Variants in AP3B1 observed in about 807,000 individuals in gnomAD.
AP3B1 encodes adaptor related protein complex 3 subunit beta 1, also known as AP-3 complex subunit beta-1.
A neutral mutation model predicts 132.5 loss-of-function variants in AP3B1; 61 were observed. The observed-to-expected ratio is 0.46, with a 90% CI of 0.37 to 0.57. The LOEUF (loss-of-function observed/expected upper bound fraction) is 0.57. Ranked by LOEUF, AP3B1 falls within the 20% of genes least tolerant of loss-of-function variation. The probability of loss-of-function intolerance (pLI) is 0.00; values close to 1 mark genes in which losing one functional copy is unlikely to be tolerated. For synonymous variants in AP3B1, 388 were observed against 438.3 expected, an observed-to-expected ratio of 0.89 and a Z score of 1.43; for missense variants, 1,120 against 1,289.4, an observed-to-expected ratio of 0.87 and a Z score of 2.01.
At chr5:78,136,562 C>A (rs1462146361) in intron 15 of AP3B1, among the ~76,000 whole-genome samples, 1 of 152,164 alleles carries the variant, frequency 6.6e-6, no homozygotes, top group Non-Finnish European at 1.5e-5. Flanking sequence ...TTAGGAGGCA[C>A]AACTTTCCAT....
At chr5:78,148,938 G>A (rs760607540) in intron 14 of AP3B1, among the ~76,000 whole-genome samples, 3 of 152,114 alleles carry the variant, frequency 2.0e-5, no homozygotes, top group African/African-American at 4.8e-5. Flanking sequence ...CTAGAGACAC[G>A]ACTGAATTTT....
intron 11 of AP3B1, among the ~76,000 whole-genome samples, chr5:78,170,045 C>T (rs961965096): frequency 2.0e-4 from 30 of 152,054 alleles, no homozygotes; most frequent in African/African-American, 6.8e-4. Context: ...CTGAGAATGA[C>T]GGTTGCCAGC....
chr5:78,065,151 G>A (rs558810591), intron 22 of AP3B1, among the ~76,000 whole-genome samples: 24 of 152,202 alleles, frequency 1.6e-4, no homozygotes, highest in African/African-American at 5.1e-4. Flanking sequence ...GTACTATCCC[G>A]CCCAGGAAAC....
chr5:78,089,599 T>C (rs1244588500), intron 21 of AP3B1, 100 bp from the exon 22 acceptor site: 9 of 791,052 alleles, frequency 1.1e-5, no homozygotes, highest in Non-Finnish European at 2.0e-5. Context: ...TTAAATTACT[T>C]TGATTAATAA....
At chr5:78,202,552 AGTGTGTGTGTGT>A (rs36209977) in intron 7 of AP3B1, among the ~76,000 whole-genome samples, 2,724 of 146,070 alleles carry the variant, frequency 0.019, 38 homozygotes, top group Non-Finnish European at 0.022. Flanking sequence ...CCATATATTC[AGTGTGTGTGTGT>A]GTGTGTGTGT....
intron 14 of AP3B1, among the ~76,000 whole-genome samples, chr5:78,147,715 T>C (rs1477586763): frequency 6.6e-6 from 1 of 152,204 alleles, no homozygotes; most frequent in Non-Finnish European, 1.5e-5. Flanking sequence ...TGTACTTATT[T>C]GGCTTATAGT....
intron 7 of AP3B1, among the ~76,000 whole-genome samples, chr5:78,182,592 A>G (rs1744417257): frequency 6.6e-6 from 1 of 152,220 alleles, no homozygotes; most frequent in South Asian, 2.1e-4. Context: ...AACTCGGTGC[A>G]GAAGCTGGCA....
intron 14 of AP3B1, among the ~76,000 whole-genome samples, chr5:78,149,004 GCTTAACCTCTCATTT>G (rs1753532769): frequency 6.6e-6 from 1 of 152,118 alleles, no homozygotes; most frequent in Admixed American, 6.5e-5. Flanking sequence ...GAGAAAAAAA[GCTTAACCTCTCATTT>G]CCCATCAAAG....
chr5:78,003,379 A>G (rs1746262666), intron 26 of AP3B1: 3 of 289,550 alleles, frequency 1.0e-5, no homozygotes, highest in South Asian at 1.3e-4. Flanking sequence ...TCCACTTGGT[A>G]TTTAACATTT....
At chr5:78,152,381 T>C (rs1226174625) in intron 14 of AP3B1, among the ~76,000 whole-genome samples, 1 of 152,094 alleles carries the variant, frequency 6.6e-6, no homozygotes, top group African/African-American at 2.4e-5. Flanking sequence ...GTTCAGATAC[T>C]GGATTTCTTC....
At chr5:78,263,691 A>G (rs1263762777) in intron 2 of AP3B1, among the ~76,000 whole-genome samples, 3 of 152,172 alleles carry the variant, frequency 2.0e-5, no homozygotes, top group African/African-American at 7.2e-5. Context: ...TTTGTTGAGT[A>G]CTTTTATCAT....
intron 23 of AP3B1, among the ~76,000 whole-genome samples, chr5:78,038,651 T>C (rs1384226605): frequency 6.6e-6 from 1 of 152,196 alleles, no homozygotes; most frequent in Non-Finnish European, 1.5e-5. Flanking sequence ...AGAAGTATTG[T>C]ATTCAGAAAT....
At chr5:78,227,340 G>A in intron 5 of AP3B1, 32 bp downstream of exon 5, 1 of 1,603,356 alleles carries the variant, frequency 6.2e-7, no homozygotes, top group Non-Finnish European at 8.5e-7. Flanking sequence ...TAACATCAGA[G>A]ATCTTTGGTA....
In AP3B1 at chr5:78,002,858, C is replaced by T. The variant is rs182487478; in HGVS notation, c.*44G>A. ...AAAGGCAGCAGTAGTGGATGCCAGG[C>T]ACTTTTGTTGTGTGCCAGATTCTAA... On this transcript the variant is annotated 3_prime_UTR_variant, in exon 27 of 27. Transcript: ENST00000255194. 2,864 of 1,612,760 alleles carry T rather than the reference C, an allele frequency of 1.8e-3. 21 individuals carry two copies. In the Admixed American group the frequency reaches 0.018, roughly 10 times the overall value.
chr5:78,196,840 A>G (rs1327796717), intron 7 of AP3B1, among the ~76,000 whole-genome samples: 1 of 152,238 alleles, frequency 6.6e-6, no homozygotes, highest in Non-Finnish European at 1.5e-5. Flanking sequence ...GACATTAAAA[A>G]GACTAGTGAC....
At chr5:78,082,640 C>T (rs548060357) in intron 22 of AP3B1, among the ~76,000 whole-genome samples, 2 of 152,296 alleles carry the variant, frequency 1.3e-5, no homozygotes, top group African/African-American at 4.8e-5. Context: ...CTTTGGGCTC[C>T]AGATTCAATG....
intron 15 of AP3B1, among the ~76,000 whole-genome samples, chr5:78,136,791 A>C (rs562881120): frequency 1.3e-5 from 2 of 151,922 alleles, no homozygotes; most frequent in Admixed American, 1.3e-4. Context: ...CTCTAACTGC[A>C]TTTTTCTAAT....
intron 20 of AP3B1, among the ~76,000 whole-genome samples, chr5:78,108,178 T>C (rs1751423535): frequency 1.3e-5 from 2 of 152,088 alleles, no homozygotes; most frequent in Non-Finnish European, 2.9e-5. Context: ...AGTAAAAATA[T>C]AGATTTAGTT....
chr5:78,126,374 A>G (rs983702750), intron 17 of AP3B1, among the ~76,000 whole-genome samples: 1 of 151,808 alleles, frequency 6.6e-6, no homozygotes, highest in Non-Finnish European at 1.5e-5. Flanking sequence ...GCATGGTGGC[A>G]TGTGGCTGTA....
Sources: allele counts gnomAD v4.1 joint callset (sites outside exome capture counted in the v4.1 genomes callset), GRCh38; gene constraint gnomAD v4.1.1; transcripts MANE v1.5; gene names NCBI Gene and HGNC (gene_info 2026-07-23, HGNC 2026-07-21).